KDM4C: variants seen among roughly 807,000 people sequenced by gnomAD.
The protein encoded by KDM4C is lysine-specific demethylase 4C.
KDM4C carries 81 observed loss-of-function variants against 129.3 expected under a neutral mutation model. That is an observed-to-expected ratio of 0.63 (90% CI 0.52 to 0.75). KDM4C has a LOEUF of 0.75. Ranked by LOEUF, KDM4C falls within the 30% of genes least tolerant of loss-of-function variation. KDM4C has a pLI of 0.00. For missense variants in KDM4C, 1,457 were observed against 1,304.0 expected (o/e 1.12, Z -1.81); for synonymous variants, 573 against 456.1 (o/e 1.26, Z -3.26).
intron 4 of KDM4C, chr9:6,835,416 C>T (rs80104026): frequency 8.6e-7 from 1 of 1,165,650 alleles, no homozygotes; most frequent in Non-Finnish European, 1.3e-6. Flanking sequence ...CCCTGGCGCC[C>T]AGCACGATGA....
intron 18 of KDM4C, among the ~76,000 whole-genome samples, chr9:7,115,458 T>C (rs922025673): frequency 2.6e-5 from 4 of 152,154 alleles, no homozygotes; most frequent in Non-Finnish European, 5.9e-5. Context: ...AAAATATAAA[T>C]GGAATGTGTC....
chr9:6,929,471 CTTTT>C (rs59537472), intron 8 of KDM4C, among the ~76,000 whole-genome samples: 177 of 127,528 alleles, frequency 1.4e-3, no homozygotes, highest in Non-Finnish European at 1.9e-3. Flanking sequence ...TTGACTTTTT[CTTTT>C]TTTTTTTTTT....
rs1395055575 is a variant in KDM4C, at chr9:6,887,999, T to C, written c.719T>C (p.Leu240Pro). ...AGCTCCCAAGGGTGTGATGCATTTC[T>C]TCGCCACAAGATGACATTGATTTCT... ...PSSSQGCDAFLRHKMTLISPS... is the reference protein window; with the variant it reads ...PSSSQGCDAFPRHKMTLISPS... Residue 240 changes from leucine (L) to proline (P), a missense_variant, in exon 7 of 22, where the codon CTT becomes CCT. By Grantham distance (98) the Leu-to-Pro change is moderately conservative. Transcript: ENST00000381309. 1 of 1,612,466 alleles carries C rather than the reference T, an allele frequency of 6.2e-7. No individual in the cohort carries two copies.
rs1339640176 is a variant in KDM4C, at chr9:6,732,389, AAAAAAAAAAAAAGAAT to A, written c.49+11393_49+11408del. Among the ~76,000 whole-genome samples the A allele has an allele frequency of 3.9e-3, 561 of 144,138 alleles. 15 individuals carry two copies. Among genetic ancestry groups the A allele is most frequent in the Non-Finnish European group, 7.2e-3 (477 of 66,030 alleles). The allele number at this position is 144,138 out of a possible 152,430, so 94.6% of individuals were successfully genotyped here. A position where few individuals can be genotyped will look rare whatever the true frequency, so the allele number is the denominator to read the frequency against. ...CAAAAAAAAAAAAAAAAAAAAAAAA[AAAAAAAAAAAAAGAAT>A]GAGGCCGGAAGTTGTGGCTCACACA... On this transcript the variant is annotated intron_variant, in intron 1 of 17. Transcript: ENST00000536108.
intron 5 of KDM4C, among the ~76,000 whole-genome samples, chr9:6,876,789 A>G (rs1215749049): frequency 6.6e-6 from 1 of 152,130 alleles, no homozygotes; most frequent in African/African-American, 2.4e-5. Context: ...GTCAGCCTAC[A>G]CACATAGACT....
chr9:6,726,012 C>T (rs1040906657), intron 1 of KDM4C, among the ~76,000 whole-genome samples: 2 of 151,568 alleles, frequency 1.3e-5, no homozygotes, highest in Admixed American at 6.6e-5. Context: ...CTGCAACCTC[C>T]ACCTCCCTGG....
chr9:6,964,809 C>T (rs1249463651), intron 8 of KDM4C, among the ~76,000 whole-genome samples: 4 of 137,832 alleles, frequency 2.9e-5, no homozygotes, highest in African/African-American at 1.1e-4. Context: ...AAACCACAGA[C>T]TGGGCGCAGT....
rs539901290 is a variant in KDM4C at position 6,872,939 on chromosome 9, T to C, written c.630-7073T>C. Among the ~76,000 whole-genome samples the C allele has an allele frequency of 2.0e-5, 3 of 152,300 alleles. No individual in the cohort carries two copies. In the South Asian group the frequency reaches 6.2e-4, roughly 32 times the overall value. ...CTGTCCTTTGAAGCTTTTTATTTTT[T>C]CTTTAAGACAGAGTTTCGCTCTTGT... is the stretch of plus-strand genomic sequence containing the variant. On this transcript the variant is annotated intron_variant, in intron 5 of 21. Transcript: ENST00000381309.
chr9:6,995,040 G>C (rs571260993), intron 12 of KDM4C, among the ~76,000 whole-genome samples: 1 of 142,228 alleles, frequency 7.0e-6, no homozygotes, highest in African/African-American at 2.6e-5. Context: ...TACAGGCTAC[G>C]GTGGTCCTGA....
chr9:6,981,275 G>A (rs530897592), intron 9 of KDM4C, among the ~76,000 whole-genome samples, 157 bp downstream of exon 9: 1 of 152,272 alleles, frequency 6.6e-6, no homozygotes, highest in South Asian at 2.1e-4. Context: ...TCTTAGGTGT[G>A]TAATAAATAC....
intron 1 of KDM4C, among the ~76,000 whole-genome samples, chr9:6,770,986 A>C (rs745313433): frequency 6.7e-6 from 1 of 149,754 alleles, no homozygotes; most frequent in Non-Finnish European, 1.5e-5. Context: ...ATATTGGCCA[A>C]GCTGGTCTCA....
chr9:6,870,680 G>A (rs1004640698), intron 5 of KDM4C, among the ~76,000 whole-genome samples: 3 of 151,972 alleles, frequency 2.0e-5, no homozygotes, highest in East Asian at 1.9e-4. Flanking sequence ...GAATGGGGCC[G>A]GGGGATCATT....
intron 17 of KDM4C, among the ~76,000 whole-genome samples, chr9:7,072,341 T>C (rs560361675): frequency 6.6e-6 from 1 of 152,322 alleles, no homozygotes; most frequent in African/African-American, 2.4e-5. Flanking sequence ...TGTTTACATA[T>C]ATCATAATCA....
intron 19 of KDM4C, among the ~76,000 whole-genome samples, chr9:7,130,244 A>G (rs1161049578): frequency 6.6e-6 from 1 of 152,242 alleles, no homozygotes; most frequent in Non-Finnish European, 1.5e-5. Flanking sequence ...AAACCTGAGC[A>G]CAGTTAAACA....
intron 8 of KDM4C, among the ~76,000 whole-genome samples, chr9:6,897,245 A>C (rs1015509488): frequency 1.3e-5 from 2 of 152,194 alleles, no homozygotes; most frequent in Admixed American, 6.5e-5. Flanking sequence ...ATCTGGGGAA[A>C]ATAGGCAGAG....
chr9:6,788,308 G>A (rs888131076), intron 1 of KDM4C, among the ~76,000 whole-genome samples: 1 of 152,166 alleles, frequency 6.6e-6, no homozygotes, highest in Middle Eastern at 3.2e-3. Context: ...TTTGTTGAAT[G>A]ACTCAGTGAT....
chr9:6,836,371 C>CA (rs995369380), intron 4 of KDM4C, among the ~76,000 whole-genome samples: 1 of 151,718 alleles, frequency 6.6e-6, no homozygotes, highest in African/African-American at 2.4e-5. Flanking sequence ...GACTCTGTCT[C>CA]AAAAAAATAA....
rs188253795 is a variant in KDM4C, at chr9:6,995,964, G to A, written c.1786+5440G>A. Among the ~76,000 whole-genome samples the A allele has an allele frequency of 7.5e-4, 114 of 152,252 alleles. 1 individual carries two copies. Among genetic ancestry groups the A allele is most frequent in the African/African-American group, 2.4e-3 (101 of 41,530 alleles). On this transcript the variant is annotated intron_variant, in intron 12 of 21. Coordinates refer to ENST00000381309, the MANE Select transcript of KDM4C (RefSeq NM_015061.6). Reference sequence around the variant, plus strand: ...ATTACAGGCGTGAGCCACCGCGCCCGGCCCTGCAGGTTTTAAGTTTTAAAA... The same window carrying A: ...ATTACAGGCGTGAGCCACCGCGCCCAGCCCTGCAGGTTTTAAGTTTTAAAA...
chr9:6,971,404 T>G (rs1238613705), intron 8 of KDM4C, among the ~76,000 whole-genome samples: 1 of 152,232 alleles, frequency 6.6e-6, no homozygotes, highest in African/African-American at 2.4e-5. Flanking sequence ...ACTGCATTTA[T>G]TATGTAGCCT....
Sources: allele counts gnomAD v4.1 joint callset (sites outside exome capture counted in the v4.1 genomes callset), GRCh38; gene constraint gnomAD v4.1.1; transcripts MANE v1.5; gene names NCBI Gene and HGNC (gene_info 2026-07-23, HGNC 2026-07-21).